NRXN3: variants seen among roughly 807,000 people sequenced by gnomAD.
NRXN3 encodes the protein neurexin 3.
Under a neutral mutation model 137.6 loss-of-function variants are expected in NRXN3, and 32 were observed. The observed-to-expected ratio is 0.23, with a 90% confidence interval of 0.18 to 0.31. The LOEUF (loss-of-function observed/expected upper bound fraction) is 0.31. NRXN3 is among the 10% of genes least tolerant of loss of function. The pLI is 1.00. For synonymous variants in NRXN3, 798 were observed against 784.5 expected, an observed-to-expected ratio of 1.02 and a Z score of -0.29; for missense variants, 1,574 against 2,062.5, an observed-to-expected ratio of 0.76 and a Z score of 4.59.
chr14:78,427,316 T>A (rs2093701383), intron 4 of NRXN3, among the ~76,000 whole-genome samples: 2 of 152,204 alleles, frequency 1.3e-5, no homozygotes, highest in Admixed American at 1.3e-4. Flanking sequence ...CCTATTCCAA[T>A]TCTAAGTGTG....
At chr14:78,677,495 G>T (rs567744869) in intron 6 of NRXN3, among the ~76,000 whole-genome samples, 2 of 152,060 alleles carry the variant, frequency 1.3e-5, no homozygotes, top group South Asian at 2.1e-4. Context: ...GATAAAACTT[G>T]TATGGATGAG....
At chr14:79,505,074 G>A (rs1422551438) in intron 16 of NRXN3, among the ~76,000 whole-genome samples, 1 of 152,086 alleles carries the variant, frequency 6.6e-6, no homozygotes, top group African/African-American at 2.4e-5. Context: ...AATTAGCCAG[G>A]TGTGGTGGTG....
chr14:79,372,495 T>C (rs1474265026), intron 15 of NRXN3, among the ~76,000 whole-genome samples: 1 of 152,066 alleles, frequency 6.6e-6, no homozygotes, highest in East Asian at 1.9e-4. Context: ...TAATTCCTCA[T>C]AGGAAAACTA....
rs1220821008 is a variant in NRXN3, at chr14:78,514,845, T to A, written c.758-130275T>A. Among the ~76,000 whole-genome samples the A allele has an allele frequency of 2.6e-5, 4 of 152,038 alleles. No homozygotes were observed. In the East Asian group the frequency reaches 7.7e-4, roughly 29 times the overall value. On this transcript the variant is annotated intron_variant, in intron 4 of 20. Transcript: ENST00000335750. ...GGGTTGGGTGATATTTAAGCTGAGA[T>A]TTGAATGAAGAATGGAAGCCATTCT...
chr14:79,238,581 A>G (rs1225386407), intron 15 of NRXN3, among the ~76,000 whole-genome samples: 1 of 152,138 alleles, frequency 6.6e-6, no homozygotes, highest in Non-Finnish European at 1.5e-5. Context: ...TATTTATATC[A>G]TGGAATAAAT....
chr14:79,746,316 A>T (rs563061274), intron 19 of NRXN3, among the ~76,000 whole-genome samples: 27 of 152,148 alleles, frequency 1.8e-4, no homozygotes, highest in African/African-American at 6.0e-4. Context: ...GTTCAATTTT[A>T]TGATGAAGCA....
intron 15 of NRXN3, among the ~76,000 whole-genome samples, chr14:79,044,535 G>A (rs1460256628): frequency 1.3e-5 from 2 of 152,156 alleles, no homozygotes; most frequent in Admixed American, 1.3e-4. Flanking sequence ...ATAGCACAAT[G>A]GCTGGCCCAT....
chr14:79,757,329 G>A (rs1239234053), intron 19 of NRXN3, among the ~76,000 whole-genome samples: 1 of 152,090 alleles, frequency 6.6e-6, no homozygotes, highest in East Asian at 1.9e-4. Context: ...ACAACTAGGG[G>A]GAAATAAGAC....
chr14:78,544,855 C>T (rs567611302), intron 4 of NRXN3, among the ~76,000 whole-genome samples: 1 of 152,308 alleles, frequency 6.6e-6, no homozygotes, highest in East Asian at 1.9e-4. Context: ...GTTCCATCTA[C>T]AGCATGGGTA....
intron 4 of NRXN3, among the ~76,000 whole-genome samples, chr14:78,451,827 A>T (rs780546390): frequency 2.6e-5 from 4 of 152,248 alleles, no homozygotes; most frequent in Non-Finnish European, 5.9e-5. Flanking sequence ...TACTCTGGCC[A>T]TTCTTCAGAC....
chr14:79,514,744 G>C (rs952335673), intron 16 of NRXN3, among the ~76,000 whole-genome samples: 1 of 152,122 alleles, frequency 6.6e-6, no homozygotes, highest in Non-Finnish European at 1.5e-5. Flanking sequence ...GGCTATAGGA[G>C]AGTCAGCACA....
At chr14:79,585,617 G>A (rs551871215) in intron 16 of NRXN3, among the ~76,000 whole-genome samples, 1 of 150,180 alleles carries the variant, frequency 6.7e-6, no homozygotes, top group East Asian at 2.0e-4. Flanking sequence ...CCCGGGAGGC[G>A]GAGGTTGCAG....
intron 4 of NRXN3, among the ~76,000 whole-genome samples, chr14:78,582,355 T>C (rs2097009699): frequency 6.6e-6 from 1 of 152,248 alleles, no homozygotes. Flanking sequence ...TGATTCTTTA[T>C]CTTTTACCAA....
At chr14:79,793,043 G>A (rs1213411741) in intron 19 of NRXN3, among the ~76,000 whole-genome samples, 2 of 152,144 alleles carry the variant, frequency 1.3e-5, no homozygotes, top group African/African-American at 2.4e-5. Context: ...AGAGAGGGGA[G>A]TTAGAGTGGG....
chr14:79,829,416 T>C (rs2293823), intron 20 of NRXN3, among the ~76,000 whole-genome samples: 103,709 of 152,096 alleles, frequency 0.68, 35,743 homozygotes, highest in Admixed American at 0.74. Flanking sequence ...TTATTGCCCA[T>C]GCATGGTCAC....
At chr14:79,625,017 T>G (rs1485333167) in intron 16 of NRXN3, among the ~76,000 whole-genome samples, 1 of 152,078 alleles carries the variant, frequency 6.6e-6, no homozygotes, top group Non-Finnish European at 1.5e-5. Flanking sequence ...CAGGTTGGTC[T>G]CCAACTCCTG....
chr14:79,579,690 A>G (rs2153809032), intron 16 of NRXN3, among the ~76,000 whole-genome samples: 1 of 152,272 alleles, frequency 6.6e-6, no homozygotes, highest in South Asian at 2.1e-4. Context: ...AATATTTTAC[A>G]TATCAGTGGG....
chr14:79,663,145 A>C (rs1406561847), intron 16 of NRXN3, among the ~76,000 whole-genome samples: 2 of 152,070 alleles, frequency 1.3e-5, no homozygotes, highest in Non-Finnish European at 2.9e-5. Context: ...CAGCCATCTA[A>C]TCATGAAAAT....
chr14:78,825,511 A>G (rs556448701), intron 10 of NRXN3, among the ~76,000 whole-genome samples: 1 of 152,372 alleles, frequency 6.6e-6, no homozygotes, highest in Admixed American at 6.5e-5. Context: ...GAACAGAAGC[A>G]TAGCTCCCAA....
Sources: gnomAD v4.1 joint callset for allele counts (sites outside exome capture counted in the v4.1 genomes callset) on GRCh38, gnomAD v4.1.1 for gene constraint, MANE v1.5 for transcripts, NCBI Gene and HGNC (gene_info 2026-07-23, HGNC 2026-07-21) for gene names.